The following NDP variants were observed in gnomAD, a reference collection of about 807,000 sequenced individuals.
NDP encodes the protein norrin.
A neutral mutation model predicts 8.4 loss-of-function variants in NDP; 2 were observed. That is an observed-to-expected ratio of 0.24 (90% CI 0.10 to 0.75). The LOEUF (loss-of-function observed/expected upper bound fraction) is 0.75. NDP is among the 30% of genes least tolerant of loss of function. The pLI, the probability that NDP is intolerant of heterozygous loss-of-function variation, is 0.73. For missense variants in NDP, 81 were observed against 110.1 expected (o/e 0.74, Z 1.18); for synonymous variants, 55 against 45.6 (o/e 1.21, Z -0.83).
At chrX:43,950,458 CAAA>C (rs11292831) in intron 2 of NDP, among the ~76,000 whole-genome samples, 1,801 of 59,261 alleles carry the variant, frequency 0.03, 39 homozygotes, top group African/African-American at 0.079. Flanking sequence ...AAATGACTAC[CAAA>C]AAAAAAAAAA....
Position 43,949,254 on chromosome X carries a change from G to A in NDP, c.*545C>T, listed in dbSNP as rs1167663551. The A allele has an allele frequency of 8.6e-6, 1 of 116,669 alleles. No homozygotes were observed. Among genetic ancestry groups the A allele is most frequent in the Non-Finnish European group, 1.8e-5 (1 of 55,768 alleles). The allele number at this position is 116,669 out of a possible 1,213,427, so 9.6% of individuals were successfully genotyped here. On this transcript the variant is annotated 3_prime_UTR_variant, in exon 3 of 3. Transcript: ENST00000642620. ...CTGTTTGTTAGTTATTTTAATGTCA[G>A]TTCGCTGGCTGTGAGTAAACGTAGC...
chrX:43,954,766 T>C (rs1202392664), intron 2 of NDP, among the ~76,000 whole-genome samples: 1 of 110,654 alleles, frequency 9.0e-6, no homozygotes, highest in Non-Finnish European at 1.9e-5. Flanking sequence ...AGGTTTTGTC[T>C]CCCAAACCTC....
At chrX:43,963,199 T>C (rs943510067) in intron 1 of NDP, among the ~76,000 whole-genome samples, 3 of 112,076 alleles carry the variant, frequency 2.7e-5, no homozygotes, top group Non-Finnish European at 5.6e-5. Flanking sequence ...TTTTTTAACA[T>C]GTATTTATTG....
At position 43,951,449 on chromosome X, in the gene NDP, A is replaced by G. The variant is rs2035761454; in HGVS notation, c.175-1423T>C. 3.6e-5 allele frequency among the ~76,000 whole-genome samples: 4 copies of G among 111,439 alleles called. No individual in the cohort carries two copies. The Admixed American group carries it at 3.8e-4, about 11-fold the overall frequency. On this transcript the variant is annotated intron_variant, in intron 2 of 2. Transcript: ENST00000642620. ...AGAAAAGAAAAGAAAAATTTGTCCT[A>G]TAATTCCAGAACCAACAGCAAGATC...
At chrX:43,962,109 AT>A (rs1239591850) in intron 1 of NDP, among the ~76,000 whole-genome samples, 1 of 111,608 alleles carries the variant, frequency 9.0e-6, no homozygotes, top group Admixed American at 9.5e-5. Context: ...TAAGAAACAG[AT>A]TTTTCATTTC....
At chrX:43,965,578 T>G (rs1387467003) in intron 1 of NDP, among the ~76,000 whole-genome samples, 1 of 111,712 alleles carries the variant, frequency 9.0e-6, no homozygotes, top group African/African-American at 3.3e-5. Flanking sequence ...GAAAGGCTAA[T>G]ATTAATAAAT....
chrX:43,956,670 T>A (rs5952407), intron 2 of NDP, among the ~76,000 whole-genome samples: 63 of 112,257 alleles, frequency 5.6e-4, no homozygotes, highest in African/African-American at 1.8e-3. Context: ...GGTTTATAAT[T>A]GCAAGCACCA....
intron 1 of NDP, among the ~76,000 whole-genome samples, chrX:43,960,016 A>G (rs1455327175): frequency 8.9e-6 from 1 of 112,303 alleles, no homozygotes; most frequent in East Asian, 2.8e-4. Context: ...TTGCACTAAT[A>G]GAATGGCATC....
At chrX:43,962,741 C>T (rs1163527950) in intron 1 of NDP, among the ~76,000 whole-genome samples, 5 of 111,585 alleles carry the variant, frequency 4.5e-5, no homozygotes, top group Admixed American at 1.9e-4. Flanking sequence ...TGGACTTGGC[C>T]GACGTACAGA....
At chrX:43,957,188 T>A (rs1335482197) in intron 2 of NDP, among the ~76,000 whole-genome samples, 7 of 111,914 alleles carry the variant, frequency 6.3e-5, no homozygotes, top group Non-Finnish European at 1.1e-4. Context: ...AAACTAATAA[T>A]TGCTGCAGTC....
At chrX:43,972,631 A>G (rs2035897446) in intron 1 of NDP, among the ~76,000 whole-genome samples, 1 of 111,244 alleles carries the variant, frequency 9.0e-6, no homozygotes, top group Non-Finnish European at 1.9e-5. Flanking sequence ...TTTTTGCCCA[A>G]TCAAAATCAT....
intron 2 of NDP, chrX:43,954,509 A>G (rs2035781322): frequency 9.0e-6 from 1 of 111,139 alleles, no homozygotes; most frequent in Non-Finnish European, 1.9e-5. Context: ...CTTTCTTTCC[A>G]CTTTAGAGTC....
At chrX:43,969,309 G>A (rs1602071694) in intron 1 of NDP, among the ~76,000 whole-genome samples, 2 of 111,870 alleles carry the variant, frequency 1.8e-5, no homozygotes, top group South Asian at 3.8e-4. Flanking sequence ...TAGAAGTCCT[G>A]TCTCTCTTTC....
intron 1 of NDP, 55 bp from the exon 2 acceptor site, chrX:43,958,907 T>C (rs1207588473): frequency 2.7e-6 from 1 of 368,473 alleles, no homozygotes; most frequent in Non-Finnish European, 4.8e-6. Context: ...GAACCACTAA[T>C]GGAACCCAGG....
chrX:43,967,773 C>T (rs971721397), intron 1 of NDP, among the ~76,000 whole-genome samples: 4 of 110,817 alleles, frequency 3.6e-5, no homozygotes, highest in African/African-American at 1.3e-4. Flanking sequence ...GAAAGGCCAC[C>T]CTTGAGCATT....
At chrX:43,968,865 A>G (rs1569247739) in intron 1 of NDP, among the ~76,000 whole-genome samples, 1 of 111,712 alleles carries the variant, frequency 9.0e-6, no homozygotes, top group African/African-American at 3.3e-5. Flanking sequence ...TCAGGCTAAC[A>G]GGGAAAGACT....
chrX:43,972,986 C>G (rs1014257547), intron 1 of NDP, among the ~76,000 whole-genome samples: 1 of 112,754 alleles, frequency 8.9e-6, no homozygotes, highest in African/African-American at 3.2e-5. Flanking sequence ...TCGCAGCCCC[C>G]TTTCACGGGG....
chrX:43,964,479 G>C (rs376411642), intron 1 of NDP, among the ~76,000 whole-genome samples: 24 of 110,921 alleles, frequency 2.2e-4, no homozygotes, highest in African/African-American at 7.2e-4. Context: ...GGGAGGACTC[G>C]ACCTTGAGCC....
chrX:43,961,188 G>A (rs779689552), intron 1 of NDP, among the ~76,000 whole-genome samples: 4 of 112,782 alleles, frequency 3.5e-5, no homozygotes, highest in Non-Finnish European at 7.5e-5. Context: ...TGGCAAGGCT[G>A]TGGGAAAACA....
Sources: gnomAD v4.1 joint callset for allele counts (sites outside exome capture counted in the v4.1 genomes callset) on GRCh38, gnomAD v4.1.1 for gene constraint, MANE v1.5 for transcripts, NCBI Gene and HGNC (gene_info 2026-07-23, HGNC 2026-07-21) for gene names.